Variants in SEC24A observed in about 807,000 individuals in gnomAD.
SEC24A encodes SEC24 homolog A, COPII component, also known as protein transport protein Sec24A.
In SEC24A, 93 loss-of-function variants were observed where a neutral mutation model predicts 129.4. The ratio of observed to expected loss-of-function variants is 0.72; its 90% CI spans 0.61 to 0.85. The LOEUF (loss-of-function observed/expected upper bound fraction) is 0.85, where lower values mean the gene tolerates loss of function less well. Ranked by LOEUF, SEC24A falls within the 40% of genes least tolerant of loss-of-function variation. SEC24A has a pLI of 0.00. For missense variants in SEC24A, 1,264 were observed against 1,307.4 expected (o/e 0.97, Z 0.51); for synonymous variants, 460 against 467.3 (o/e 0.98, Z 0.20).
chr5:134,724,026 T>C (rs1381686551), intron 22 of SEC24A, among the ~76,000 whole-genome samples: 1 of 152,230 alleles, frequency 6.6e-6, no homozygotes, highest in Non-Finnish European at 1.5e-5. Context: ...TACATCATTA[T>C]TAACCATAGT....
chr5:134,666,493 G>T (rs1016351254), intron 2 of SEC24A, among the ~76,000 whole-genome samples: 10 of 152,052 alleles, frequency 6.6e-5, no homozygotes, highest in Non-Finnish European at 1.5e-4. Context: ...GGAGGTGGAG[G>T]TTGCAGTGAA....
At position 134,693,611 on chromosome 5, in the gene SEC24A, G is replaced by A. The variant is rs1344077954; in HGVS notation, c.1780-116G>A. The A allele has an allele frequency of 2.7e-6, 4 of 1,457,700 alleles. No individual in the cohort carries two copies. The Admixed American group carries it at 8.0e-5, about 29-fold the overall frequency. 90.3% of individuals were successfully genotyped at this position (1,457,700 alleles called of 1,614,324 possible). On this transcript the variant is annotated intron_variant, in intron 12 of 22. Coordinates refer to ENST00000398844, the MANE Select transcript of SEC24A (RefSeq NM_021982.3). ...TGACCAACTTCATTGTTTAGTGTCT[G>A]TAGATTCTCTGACCATCATCATGAC...
At chr5:134,721,153 C>G (rs1752617080) in intron 21 of SEC24A, 63 bp downstream of exon 21, 1 of 941,018 alleles carries the variant, frequency 1.1e-6, no homozygotes, top group South Asian at 1.5e-5. Flanking sequence ...ACATGAATAT[C>G]CCCTATTTTG....
chr5:134,683,658 C>T (rs1478662953), intron 9 of SEC24A, among the ~76,000 whole-genome samples: 2 of 152,170 alleles, frequency 1.3e-5, no homozygotes, highest in Non-Finnish European at 2.9e-5. Context: ...GGACTACAGA[C>T]ATGCACCACC....
intron 1 of SEC24A, among the ~76,000 whole-genome samples, chr5:134,651,238 C>A (rs993813398): frequency 2.0e-5 from 3 of 149,262 alleles, no homozygotes; most frequent in Admixed American, 6.7e-5. Flanking sequence ...ACTACAGGTG[C>A]ATACCACCAG....
Position 134,675,153 on chromosome 5 carries a change from ACAC to A in SEC24A, c.1089_1091del (p.Pro364del). ...TCAAGAAAGAAACATGCTTCCGTCAACACCTTTGAAGCCTCCAGTTCCAAATTT... is the reference window on the plus strand; with the variant it reads ...TCAAGAAAGAAACATGCTTCCGTCAACTTTGAAGCCTCCAGTTCCAAATTT... On this transcript the variant is annotated inframe_deletion, in exon 6 of 23. Transcript: ENST00000398844. 1.9e-6 allele frequency: 3 copies of A among 1,613,818 alleles called. No individual in the cohort carries two copies. Among genetic ancestry groups the A allele is most frequent in the Non-Finnish European group, 2.5e-6 (3 of 1,179,794 alleles).
intron 13 of SEC24A, among the ~76,000 whole-genome samples, chr5:134,695,119 C>T (rs997979460): frequency 2.0e-5 from 3 of 152,056 alleles, no homozygotes; most frequent in Non-Finnish European, 4.4e-5. Context: ...CCTATAATCC[C>T]AGCCCTTTGG....
intron 3 of SEC24A, among the ~76,000 whole-genome samples, chr5:134,668,707 CAA>C (rs535642668): frequency 8.4e-4 from 128 of 151,680 alleles, no homozygotes; most frequent in African/African-American, 2.8e-3. Flanking sequence ...GCCTGGGTGA[CAA>C]GAGCAAAACT....
intron 11 of SEC24A, among the ~76,000 whole-genome samples, chr5:134,691,127 A>T (rs1751633941): frequency 6.7e-6 from 1 of 149,724 alleles, no homozygotes; most frequent in Non-Finnish European, 1.5e-5. Flanking sequence ...TGCTGGGATT[A>T]TAGCAGGCAT....
intron 15 of SEC24A, chr5:134,701,373 A>G (rs537579491): frequency 6.6e-6 from 1 of 152,300 alleles, no homozygotes; most frequent in African/African-American, 2.4e-5. Flanking sequence ...ATTTCTGCAG[A>G]TACCTGTTAT....
intron 2 of SEC24A, among the ~76,000 whole-genome samples, chr5:134,661,912 C>G (rs543685781): frequency 1.3e-5 from 2 of 150,558 alleles, no homozygotes; most frequent in African/African-American, 4.9e-5. Flanking sequence ...ACCTCTGCCT[C>G]CCTGGTTCAA....
At chr5:134,697,787 C>A in intron 14 of SEC24A, 112 bp from the exon 15 acceptor site, 1 of 1,112,512 alleles carries the variant, frequency 9.0e-7, no homozygotes, top group Non-Finnish European at 1.3e-6. Flanking sequence ...TCCTTTCTGA[C>A]AGTAGTTTAC....
intron 3 of SEC24A, among the ~76,000 whole-genome samples, chr5:134,669,363 T>C (rs1166527523): frequency 6.6e-6 from 1 of 151,564 alleles, no homozygotes; most frequent in African/African-American, 2.4e-5. Context: ...ATGGGGTTTC[T>C]CCATGTTGGT....
chr5:134,677,568 T>C (rs1218995971), intron 7 of SEC24A, among the ~76,000 whole-genome samples: 1 of 150,032 alleles, frequency 6.7e-6, no homozygotes, highest in African/African-American at 2.5e-5. Context: ...CCAGGTGCAG[T>C]GGCTCACACC....
chr5:134,654,029 C>T (rs1750153749), intron 1 of SEC24A, among the ~76,000 whole-genome samples: 1 of 151,394 alleles, frequency 6.6e-6, no homozygotes, highest in African/African-American at 2.4e-5. Context: ...TGTAGTGGTG[C>T]CAGCCTGTGG....
intron 1 of SEC24A, among the ~76,000 whole-genome samples, chr5:134,653,453 G>A (rs1192623055): frequency 6.6e-6 from 1 of 151,970 alleles, no homozygotes; most frequent in Non-Finnish European, 1.5e-5. Context: ...GCTGCACTCT[G>A]TTGCCCAGGA....
At chr5:134,696,824 A>T (rs1751842204) in intron 13 of SEC24A, among the ~76,000 whole-genome samples, 1 of 151,194 alleles carries the variant, frequency 6.6e-6, no homozygotes, top group Admixed American at 6.6e-5. Context: ...AAATAAATAA[A>T]GTCATGTTGC....
intron 3 of SEC24A, 78 bp from the exon 4 acceptor site, chr5:134,671,731 T>G: frequency 1.2e-6 from 1 of 818,906 alleles, no homozygotes; most frequent in Non-Finnish European, 1.9e-6. Context: ...TATTTAAAAT[T>G]TTGGATATTA....
intron 7 of SEC24A, 120 bp downstream of exon 7, chr5:134,676,245 T>A: frequency 1.6e-6 from 1 of 626,338 alleles, no homozygotes; most frequent in South Asian, 2.3e-5. Context: ...GTTCAAGTGA[T>A]TTTCCTGCCT....
Sources: allele counts gnomAD v4.1 joint callset (sites outside exome capture counted in the v4.1 genomes callset), GRCh38; gene constraint gnomAD v4.1.1; transcripts MANE v1.5; gene names NCBI Gene and HGNC (gene_info 2026-07-23, HGNC 2026-07-21).